Variants in ADAM32 observed in about 807,000 individuals in gnomAD.
The protein encoded by ADAM32 is ADAM metallopeptidase domain 32.
ADAM32 carries 89 observed loss-of-function variants against 114.9 expected under a neutral mutation model. The ratio of observed to expected loss-of-function variants is 0.77; its 90% CI spans 0.65 to 0.92. ADAM32 has a LOEUF of 0.92. Among genes scored for constraint, ADAM32 ranks in the 40% least tolerant of loss-of-function variants. The pLI, the probability that ADAM32 is intolerant of heterozygous loss-of-function variation, is 0.00. For missense variants in ADAM32, 870 were observed against 932.8 expected (o/e 0.93, Z 0.88); for synonymous variants, 285 against 307.5 (o/e 0.93, Z 0.77).
At chr8:39,205,708 G>A (rs989236621) in intron 11 of ADAM32, among the ~76,000 whole-genome samples, 12 of 152,202 alleles carry the variant, frequency 7.9e-5, no homozygotes, top group Non-Finnish European at 1.0e-4. Context: ...CATCTTCTGC[G>A]TTGCTCAGGC....
intron 17 of ADAM32, among the ~76,000 whole-genome samples, chr8:39,254,085 C>A (rs990189215): frequency 2.0e-5 from 3 of 151,616 alleles, no homozygotes; most frequent in African/African-American, 7.2e-5. Context: ...TATATGCTGG[C>A]TCCAGCATGT....
intron 7 of ADAM32, among the ~76,000 whole-genome samples, chr8:39,161,975 G>A (rs1804533772): frequency 7.0e-6 from 1 of 142,884 alleles, no homozygotes; most frequent in Non-Finnish European, 1.5e-5. Flanking sequence ...TCTCCAAATT[G>A]CCAGGTTTTC....
intron 3 of ADAM32, among the ~76,000 whole-genome samples, chr8:39,144,536 C>G (rs1803379321): frequency 6.6e-6 from 1 of 152,124 alleles, no homozygotes; most frequent in African/African-American, 2.4e-5. Flanking sequence ...GTGGGATATC[C>G]CACAGGGGGA....
intron 17 of ADAM32, among the ~76,000 whole-genome samples, chr8:39,247,498 G>T (rs1312758473): frequency 6.6e-6 from 1 of 151,026 alleles, no homozygotes; most frequent in Non-Finnish European, 1.5e-5. Context: ...ATTTTTTTTT[G>T]GTGAGGGGCC....
At chr8:39,263,258 T>G (rs1175473451) in intron 19 of ADAM32, among the ~76,000 whole-genome samples, 1 of 152,218 alleles carries the variant, frequency 6.6e-6, no homozygotes, top group African/African-American at 2.4e-5. Flanking sequence ...GTAAGGCTTT[T>G]AAGGATATGC....
chr8:39,158,589 G>T, intron 6 of ADAM32: 1 of 322,314 alleles, frequency 3.1e-6, no homozygotes, highest in Non-Finnish European at 6.0e-6. Context: ...GACCAGTTTA[G>T]AAGGGTCATC....
chr8:39,113,621 G>T (rs1333926963), intron 1 of ADAM32, among the ~76,000 whole-genome samples: 1 of 152,056 alleles, frequency 6.6e-6, no homozygotes, highest in Non-Finnish European at 1.5e-5. Context: ...AGAAACTTTG[G>T]GGTTGTAACT....
At position 39,246,109 on chromosome 8, in the gene ADAM32, A is replaced by G. The variant is rs1810899186; in HGVS notation, c.1845A>G (p.Glu615=). Residue 615 remains glutamate, a synonymous_variant, in exon 17 of 25, where the codon GAA becomes GAG. Transcript: ENST00000379907. ...GRVCVNRECV[E]SRIIKASAHV... ...TTTGTGTAAATCGTGAATGTGTAGA[A>G]TCAAGGATAATTAAGGCTTCAGCAC... 6.2e-7 allele frequency: 1 copy of G among 1,613,348 alleles called. No homozygotes were observed. Among genetic ancestry groups the G allele is most frequent in the Non-Finnish European group, 8.5e-7 (1 of 1,179,642 alleles).
At chr8:39,268,697 A>C (rs1407569610) in intron 19 of ADAM32, among the ~76,000 whole-genome samples, 3 of 152,140 alleles carry the variant, frequency 2.0e-5, no homozygotes, top group Non-Finnish European at 4.4e-5. Flanking sequence ...TTCTCCTATG[A>C]TTTCTTCTAA....
chr8:39,142,683 G>C (rs1267762835), intron 3 of ADAM32, among the ~76,000 whole-genome samples: 1 of 152,034 alleles, frequency 6.6e-6, no homozygotes, highest in Non-Finnish European at 1.5e-5. Context: ...TATGTGTCTT[G>C]GGGTTGCTCT....
chr8:39,165,314 TGCTTTATTCAG>T, intron 9 of ADAM32, 118 bp downstream of exon 9: 1 of 820,368 alleles, frequency 1.2e-6, no homozygotes, highest in Non-Finnish European at 1.7e-6. Context: ...ATTTAGTATG[TGCTTTATTCAG>T]GCTTTATGCT....
upstream of ADAM32, chr8:39,107,627 A>G (rs959779277): frequency 6.1e-6 from 9 of 1,471,328 alleles, no homozygotes; most frequent in Admixed American, 2.4e-5. Flanking sequence ...TCCGGACGCT[A>G]AACACCGAGA....
intron 2 of ADAM32, among the ~76,000 whole-genome samples, chr8:39,124,859 A>G (rs1232652661): frequency 1.3e-5 from 2 of 152,246 alleles, no homozygotes; most frequent in African/African-American, 2.4e-5. Context: ...TTGGTTATAT[A>G]CCCAGTAAAG....
At chr8:39,108,713 C>G (rs1840029781) in intron 1 of ADAM32, among the ~76,000 whole-genome samples, 1 of 152,126 alleles carries the variant, frequency 6.6e-6, no homozygotes, top group African/African-American at 2.4e-5. Context: ...CCTGGTGATA[C>G]TGTAAATTTT....
At position 39,118,200 on chromosome 8, in the gene ADAM32, A is replaced by G. The variant is rs192929181; in HGVS notation, c.138+35A>G. 2.7e-4 allele frequency: 336 copies of G among 1,229,080 alleles called. No homozygotes were observed. In the African/African-American group the frequency reaches 4.9e-3, roughly 18 times the overall value. The allele number at this position is 1,229,080 out of a possible 1,614,324, so 76.1% of individuals were successfully genotyped here. A position where few individuals can be genotyped will look rare whatever the true frequency, so the allele number is the denominator to read the frequency against. ...ATTTTTTCACAATCTAAATGTTTATATGAAATTTCATATTTTTATTATATA... is the reference window on the plus strand; with the variant it reads ...ATTTTTTCACAATCTAAATGTTTATGTGAAATTTCATATTTTTATTATATA... On this transcript the variant is annotated intron_variant, in intron 2 of 24. Transcript: ENST00000379907.
chr8:39,232,380 T>C (rs1809799346), intron 15 of ADAM32, among the ~76,000 whole-genome samples: 2 of 152,154 alleles, frequency 1.3e-5, no homozygotes, highest in Non-Finnish European at 2.9e-5. Context: ...TTGAAATTCA[T>C]AATACCCACT....
Position 39,143,899 on chromosome 8 carries a change from A to G in ADAM32, c.201-3231A>G, listed in dbSNP as rs560593287. Among the ~76,000 whole-genome samples, 4 of 152,116 alleles carry G rather than the reference A, an allele frequency of 2.6e-5. No individual in the cohort carries two copies. In the East Asian group the frequency reaches 7.7e-4, roughly 29 times the overall value. On this transcript the variant is annotated intron_variant, in intron 3 of 24. Transcript: ENST00000379907. ...CGTGCTTCCTGGCCACTTTGTTTAC[A>G]CTGTAGGCTATTCAAGCCTCAGTAA...
chr8:39,160,292 G>C (rs1368110582), intron 6 of ADAM32, among the ~76,000 whole-genome samples: 1 of 152,186 alleles, frequency 6.6e-6, no homozygotes, highest in Non-Finnish European at 1.5e-5. Context: ...TGTAATCCCA[G>C]CACTTTGGGA....
At chr8:39,153,365 T>C (rs2129445656) in intron 6 of ADAM32, among the ~76,000 whole-genome samples, 1 of 152,318 alleles carries the variant, frequency 6.6e-6, no homozygotes, top group South Asian at 2.1e-4. Flanking sequence ...CCCCTCATAT[T>C]CCTTTCTAGT....
Sources: allele counts gnomAD v4.1 joint callset (sites outside exome capture counted in the v4.1 genomes callset), GRCh38; gene constraint gnomAD v4.1.1; transcripts MANE v1.5; gene names NCBI Gene and HGNC (gene_info 2026-07-23, HGNC 2026-07-21).